Variants in TBC1D1 observed in about 807,000 individuals in gnomAD.
The protein encoded by TBC1D1 is TBC1 domain family member 1.
TBC1D1 carries 89 observed loss-of-function variants against 125.6 expected under a neutral mutation model. That is an observed-to-expected ratio of 0.71 (90% CI 0.60 to 0.85). TBC1D1 has a LOEUF of 0.85. TBC1D1 is among the 40% of genes least tolerant of loss of function. The pLI is 0.00. For missense variants in TBC1D1, 1,377 were observed against 1,469.2 expected (o/e 0.94, Z 1.03); for synonymous variants, 565 against 564.1 (o/e 1.00, Z -0.02).
intron 1 of TBC1D1, among the ~76,000 whole-genome samples, chr4:37,896,299 T>A (rs1251722808): frequency 1.3e-5 from 2 of 152,156 alleles, no homozygotes; most frequent in Non-Finnish European, 2.9e-5. Flanking sequence ...AAAGTCCCCA[T>A]CCTGCTCTCT....
In TBC1D1 at chr4:38,027,865, T is replaced by G; in HGVS notation, c.1288T>G (p.Phe430Val). ...AACCAATCAGGAGCAGGCGACTATT[T>G]TTGAAGAGGTTCAGGTACAGTACAG... is the stretch of plus-strand genomic sequence containing the variant. Residue 430 changes from phenylalanine to valine, a missense_variant, in exon 7 of 20, where the codon TTT (phenylalanine) becomes GTT (valine). This residue lies in a region of TBC1D1 where 822 missense variants were observed against 824.6 expected (regional missense o/e 1.00). Coordinates refer to ENST00000261439, the MANE Select transcript of TBC1D1 (RefSeq NM_015173.4). 6.2e-7 allele frequency: 1 copy of G among 1,612,388 alleles called. No individual in the cohort carries two copies. The highest frequency in any genetic ancestry group is 8.5e-7 in the Non-Finnish European group (1 of 1,178,968).
Position 38,089,971 on chromosome 4 carries a change from T to G in TBC1D1, c.2090T>G (p.Leu697Ter). The G allele has an allele frequency of 6.2e-7, 1 of 1,613,340 alleles. No individual in the cohort carries two copies. The highest frequency in any genetic ancestry group is 8.5e-7 in the Non-Finnish European group (1 of 1,179,758). Residue 697 changes from leucine to a stop codon, truncating the protein, a stop_gained, in exon 13 of 20, where the codon TTA becomes TGA. Coordinates refer to ENST00000261439, the MANE Select transcript of TBC1D1 (RefSeq NM_015173.4). LOFTEE classifies it high-confidence loss of function. ...GGAGAGCTTCCCCCACGATCTCCTT[T>G]AGAACCAGTTTGTGAAGATGGGCCC...
At chr4:37,966,964 T>C (rs1032869435) in intron 2 of TBC1D1, among the ~76,000 whole-genome samples, 5 of 152,220 alleles carry the variant, frequency 3.3e-5, no homozygotes, top group African/African-American at 1.2e-4. Flanking sequence ...CAAGTACCTG[T>C]GGCTTGGTGG....
chr4:38,071,567 C>T (rs1176929125), intron 12 of TBC1D1, among the ~76,000 whole-genome samples: 2 of 152,114 alleles, frequency 1.3e-5, no homozygotes, highest in African/African-American at 4.8e-5. Context: ...AAACTCCAGC[C>T]CACTGCCACA....
intron 14 of TBC1D1, among the ~76,000 whole-genome samples, chr4:38,097,306 G>A (rs1475104433): frequency 6.6e-6 from 1 of 151,114 alleles, no homozygotes; most frequent in Non-Finnish European, 1.5e-5. Context: ...GGGATTACAG[G>A]CGCCCGGCAC....
chr4:38,115,098 C>CTTTTTTTTTTT (rs56997021), intron 15 of TBC1D1, among the ~76,000 whole-genome samples: 1 of 134,640 alleles, frequency 7.4e-6, no homozygotes, highest in African/African-American at 2.8e-5. Context: ...TTTCTTTTTT[C>CTTTTTTTTTTT]TTTTTTTTTT....
intron 12 of TBC1D1, among the ~76,000 whole-genome samples, chr4:38,072,952 C>T (rs1560737340): frequency 1.3e-5 from 2 of 152,032 alleles, no homozygotes; most frequent in African/African-American, 4.8e-5. Flanking sequence ...GGATTTCTCT[C>T]TTTTTTTTCC....
chr4:37,988,876 G>C (rs1211825643), intron 2 of TBC1D1, among the ~76,000 whole-genome samples: 1 of 152,094 alleles, frequency 6.6e-6, no homozygotes, highest in Non-Finnish European at 1.5e-5. Flanking sequence ...CCTCTCTCTG[G>C]AATTCAGGCA....
At position 38,090,178 on chromosome 4, in the gene TBC1D1, C is replaced by T; in HGVS notation, c.2236+61C>T. 2.6e-6 allele frequency: 4 copies of T among 1,524,970 alleles called. No individual in the cohort carries two copies. In the South Asian group the frequency reaches 3.5e-5, roughly 13 times the overall value. 94.5% of individuals were successfully genotyped at this position (1,524,970 alleles called of 1,614,324 possible). On this transcript the variant is annotated intron_variant, in intron 13 of 19. Transcript: ENST00000261439. ...CTTATCTTGGCTCTGAAGTTAATCACATCAGACATAAGCATGCTGTCTTAA... is the reference window on the plus strand; with the variant it reads ...CTTATCTTGGCTCTGAAGTTAATCATATCAGACATAAGCATGCTGTCTTAA...
intron 2 of TBC1D1, among the ~76,000 whole-genome samples, chr4:37,994,368 C>T (rs143508290): frequency 8.5e-5 from 13 of 152,304 alleles, no homozygotes; most frequent in African/African-American, 3.1e-4. Context: ...TGGCTCACTG[C>T]AGCCTTAAAC....
chr4:37,901,071 CAAA>C (rs60371395), intron 1 of TBC1D1, among the ~76,000 whole-genome samples: 1 of 136,456 alleles, frequency 7.3e-6, no homozygotes. Context: ...GACTCTGTCT[CAAA>C]AAAAAAAAAA....
chr4:37,956,831 TG>T (rs780535885), intron 2 of TBC1D1, among the ~76,000 whole-genome samples: 2 of 151,660 alleles, frequency 1.3e-5, no homozygotes, highest in Non-Finnish European at 2.9e-5. Context: ...CCCAGTTACT[TG>T]GGAGGCTGAG....
At chr4:38,096,171 A>T in intron 14 of TBC1D1, 81 bp downstream of exon 16, 1 of 1,262,620 alleles carries the variant, frequency 7.9e-7, no homozygotes, top group Non-Finnish European at 1.1e-6. Context: ...AAAAAAGTCA[A>T]GTCTAATTTT....
In TBC1D1 at chr4:37,910,761, A is replaced by G. The variant is rs116744198; in HGVS notation, c.417+8249A>G. Among the ~76,000 whole-genome samples the G allele has an allele frequency of 1.0e-2, 1,516 of 152,226 alleles. 26 individuals are homozygous for G. Among genetic ancestry groups the G allele is most frequent in the African/African-American group, 0.035 (1,441 of 41,532 alleles). The stretch of plus-strand genomic sequence containing the variant: ...ATACAACGGAGTGACCATAGTCAAT[A>G]ATAATTAATTGTACATTTTAAAACA... On this transcript the variant is annotated intron_variant, in intron 2 of 19. Transcript: ENST00000261439.
intron 15 of TBC1D1, among the ~76,000 whole-genome samples, chr4:38,106,692 G>A (rs141978669): frequency 7.9e-5 from 12 of 152,282 alleles, no homozygotes; most frequent in Non-Finnish European, 1.5e-4. Context: ...TTCCCCTGCA[G>A]TATCCCCTCA....
intron 15 of TBC1D1, among the ~76,000 whole-genome samples, chr4:38,104,977 A>G (rs546470981): frequency 2.3e-4 from 35 of 152,074 alleles, no homozygotes; most frequent in South Asian, 1.0e-3. Flanking sequence ...GGATGGTCTC[A>G]ATCTCCTGAC....
chr4:38,132,875 C>A, intron 18 of TBC1D1: 1 of 231,486 alleles, frequency 4.3e-6, no homozygotes, highest in Non-Finnish European at 8.5e-6. Flanking sequence ...GGAATTATTT[C>A]TAGATGTTTC....
At chr4:38,106,026 C>T (rs9790333) in intron 15 of TBC1D1, among the ~76,000 whole-genome samples, 5 of 152,140 alleles carry the variant, frequency 3.3e-5, no homozygotes, top group Non-Finnish European at 5.9e-5. Context: ...CCACCTCCCC[C>T]GCCTGTCCTT....
At chr4:37,903,790 G>A (rs1383350473) in intron 2 of TBC1D1, among the ~76,000 whole-genome samples, 1 of 152,112 alleles carries the variant, frequency 6.6e-6, no homozygotes, top group African/African-American at 2.4e-5. Flanking sequence ...GAGCATCAGT[G>A]GGGAATAGGA....
Sources: gnomAD v4.1 joint callset for allele counts (sites outside exome capture counted in the v4.1 genomes callset) on GRCh38, gnomAD v4.1.1 for gene constraint, gnomAD v4.1.1 regional missense constraint, MANE v1.5 for transcripts, NCBI Gene and HGNC (gene_info 2026-07-23, HGNC 2026-07-21) for gene names.